TUBGCP5: variants seen among roughly 807,000 people sequenced by gnomAD.
The protein encoded by TUBGCP5 is gamma-tubulin complex component 5.
TUBGCP5 carries 98 observed loss-of-function variants against 134.7 expected under a neutral mutation model. The observed-to-expected ratio is 0.73, with a 90% CI of 0.62 to 0.86. The LOEUF is 0.86. TUBGCP5 is among the 40% of genes least tolerant of loss of function. The pLI, the probability that TUBGCP5 is intolerant of heterozygous loss-of-function variation, is 0.00. For synonymous variants in TUBGCP5, 456 were observed against 431.4 expected, an observed-to-expected ratio of 1.06 and a Z score of -0.71; for missense variants, 1,150 against 1,244.8, an observed-to-expected ratio of 0.92 and a Z score of 1.15.
intron 23 of TUBGCP5, among the ~76,000 whole-genome samples, chr15:22,987,257 G>C (rs1216800768): frequency 2.0e-5 from 3 of 151,346 alleles, no homozygotes; most frequent in Admixed American, 2.0e-4. Context: ...TCACTTGAAT[G>C]GGGGAGGCGG....
rs2065738538 is a variant in TUBGCP5, at chr15:23,022,117, GA to G, written c.1212del (p.Arg405AspfsTer16). 11 of 1,614,156 alleles carry G rather than the reference GA, an allele frequency of 6.8e-6. No homozygotes were observed. The highest frequency in any genetic ancestry group is 9.3e-6 in the Non-Finnish European group (11 of 1,180,042). On this transcript the variant is annotated frameshift_variant, in exon 11 of 23. Coordinates refer to ENST00000615383, the MANE Select transcript of TUBGCP5 (RefSeq NM_052903.6). LOFTEE classifies it high-confidence loss of function. ...TGCAGAACCTTGAGCTGAGACAATC[GA>G]GGTGCCAACTTGTCCACCACTATTG... Reference protein sequence around the residue: ...TLAIVVDKLAPRLSQLKVLHK... With the variant: ...TLAIVVDKLAXRLSQLKVLHK...
intron 3 of TUBGCP5, among the ~76,000 whole-genome samples, chr15:23,035,035 G>A (rs2066506297): frequency 6.6e-6 from 1 of 151,870 alleles, no homozygotes. Context: ...ACATTAAAAG[G>A]ATAATAAAGA....
rs577099248 is a variant in TUBGCP5 at position 23,013,310 on chromosome 15, G to A, written c.1757-1979C>T. The stretch of plus-strand genomic sequence containing the variant: ...TACTAAAAATACAAAAAAATTAGCC[G>A]GGCACGGTGGTGTGCGCCTGTAGTC... On this transcript the variant is annotated intron_variant, in intron 13 of 22. Transcript: ENST00000615383. This position sits in a 1 kb window ranked among gnomAD's most constrained non-coding sequence, Gnocchi z 4.5. Among the ~76,000 whole-genome samples, 4 of 152,020 alleles carry A rather than the reference G, an allele frequency of 2.6e-5. No homozygotes were observed. The highest frequency in any genetic ancestry group is 1.9e-4 in the East Asian group (1 of 5,160).
chr15:23,038,460 CATT>C (rs1178537417), intron 1 of TUBGCP5, among the ~76,000 whole-genome samples: 3 of 151,852 alleles, frequency 2.0e-5, no homozygotes, highest in Non-Finnish European at 4.4e-5. Flanking sequence ...CTATTTCACA[CATT>C]GTTTATTTTT....
At chr15:23,024,665 A>T (rs1340017041) in intron 9 of TUBGCP5, 72 bp downstream of exon 9, 1 of 842,040 alleles carries the variant, frequency 1.2e-6, no homozygotes, top group Non-Finnish European at 1.8e-6. Context: ...AATATTGTAA[A>T]ATGTTCTAAA....
At chr15:22,989,089 C>T (rs114317675) in intron 23 of TUBGCP5, among the ~76,000 whole-genome samples, 2,266 of 152,198 alleles carry the variant, frequency 0.015, 57 homozygotes, top group African/African-American at 0.052. Flanking sequence ...CTTTAGGAGC[C>T]GTGTGACGAC....
At chr15:23,002,237 G>A (rs2064431311) in intron 21 of TUBGCP5, among the ~76,000 whole-genome samples, 1 of 152,088 alleles carries the variant, frequency 6.6e-6, no homozygotes, top group Non-Finnish European at 1.5e-5. Flanking sequence ...TGCAGCTATG[G>A]CTTCATCTAC....
chr15:23,030,798 G>T, intron 6 of TUBGCP5, 87 bp downstream of exon 6: 1 of 1,509,174 alleles, frequency 6.6e-7, no homozygotes, highest in Non-Finnish European at 9.0e-7. Context: ...CCAATACCTT[G>T]ATTACATGGA....
At chr15:23,037,933 T>A (rs1006306649) in intron 1 of TUBGCP5, among the ~76,000 whole-genome samples, 8 of 152,116 alleles carry the variant, frequency 5.3e-5, no homozygotes, top group Admixed American at 3.3e-4. Context: ...CCCGGCTAAT[T>A]TTTTGTACTT....
In TUBGCP5 at chr15:23,024,823, A is replaced by C. The variant is rs1462467722; in HGVS notation, c.835T>G (p.Ser279Ala). The change falls in exon 9 of 23, where the codon TCA becomes GCA. Residue 279 changes from serine to alanine, a missense_variant. Ser to Ala is a moderately conservative substitution (Grantham distance 99). This residue lies in a region of TUBGCP5 where 453 missense variants were observed against 394.7 expected (regional missense o/e 1.15). Coordinates refer to ENST00000615383, the MANE Select transcript of TUBGCP5 (RefSeq NM_052903.6). ...AATATAAAGAGCTTTTTCACTCCTG[A>C]AAGTAACCTGAAATGAGATTAAAAA... ...QVIRETLWLLSGVKKLFIFQL... is the reference protein window; with the variant it reads ...QVIRETLWLLAGVKKLFIFQL... 1.9e-6 allele frequency: 3 copies of C among 1,576,692 alleles called. No homozygotes were observed. Among genetic ancestry groups the C allele is most frequent in the African/African-American group, 2.7e-5 (2 of 73,746 alleles).
intron 2 of TUBGCP5, 31 bp from the exon 3 acceptor site, chr15:23,037,036 C>T: frequency 1.3e-6 from 2 of 1,595,328 alleles, no homozygotes; most frequent in Non-Finnish European, 1.7e-6. Flanking sequence ...ATAAAGCTAT[C>T]TTAAAAAGAT....
chr15:22,998,101 G>A (rs2064179028), downstream of TUBGCP5, among the ~76,000 whole-genome samples: 1 of 151,958 alleles, frequency 6.6e-6, no homozygotes, highest in Non-Finnish European at 1.5e-5. Flanking sequence ...GATCACCTGA[G>A]GCCAGGAGTT....
chr15:23,013,101 C>T lies in TUBGCP5; in HGVS notation c.1757-1770G>A, dbSNP rs977525029. On this transcript the variant is annotated intron_variant, in intron 13 of 22. Transcript: ENST00000615383. This position sits in a 1 kb window ranked among gnomAD's most constrained non-coding sequence, Gnocchi z 4.5. ...CGCCAGCAAGGTGGCTGCCTGGAGA[C>T]GTCTGGTGTTCCTCTCCCAACAGCA... 1.3e-5 allele frequency among the ~76,000 whole-genome samples: 2 copies of T among 151,508 alleles called. No homozygotes were observed. Among genetic ancestry groups the T allele is most frequent in the Non-Finnish European group, 2.9e-5 (2 of 67,894 alleles).
At chr15:23,034,089 T>C (rs2066457066) in intron 3 of TUBGCP5, among the ~76,000 whole-genome samples, 1 of 152,206 alleles carries the variant, frequency 6.6e-6, no homozygotes, top group Non-Finnish European at 1.5e-5. Flanking sequence ...GTGTTCTGTA[T>C]GCTCAGATCT....
At chr15:23,019,793 CA>C (rs773213049) in intron 11 of TUBGCP5, among the ~76,000 whole-genome samples, 14 of 146,514 alleles carry the variant, frequency 9.6e-5, no homozygotes, top group Admixed American at 2.0e-4. Flanking sequence ...GACACTGTCT[CA>C]AAACAAAAAG....
rs1567148061 is a variant in TUBGCP5 at position 23,024,047 on chromosome 15, A to C, written c.1068T>G (p.Ala356=). ...SGSVPKKSTE[A]PFRTYQAFMW... The stretch of plus-strand genomic sequence containing the variant: ...TGAAAGCCTGGTAGGTTCTAAAGGG[A>C]GCTTCAGTTGACTTCTTAGGAACAG... Residue 356 remains alanine, a synonymous_variant, in exon 10 of 23, where the codon GCT becomes GCG. Coordinates refer to ENST00000615383, the MANE Select transcript of TUBGCP5 (RefSeq NM_052903.6). 1 of 1,614,148 alleles carries C rather than the reference A, an allele frequency of 6.2e-7. No homozygotes were observed. The highest frequency in any genetic ancestry group is 2.2e-5 in the East Asian group (1 of 44,878).
At chr15:23,035,237 G>A (rs981040331) in intron 3 of TUBGCP5, among the ~76,000 whole-genome samples, 3 of 150,962 alleles carry the variant, frequency 2.0e-5, no homozygotes, top group South Asian at 2.1e-4. Context: ...GCTGAGGCAG[G>A]AGAATCACTT....
At chr15:23,026,021 A>C in intron 8 of TUBGCP5, 95 bp downstream of exon 8, 1 of 926,360 alleles carries the variant, frequency 1.1e-6, no homozygotes, top group South Asian at 1.5e-5. Context: ...TCTAGTTTGC[A>C]TGTGAAAATG....
At chr15:23,018,094 C>A (rs2065445030) in intron 12 of TUBGCP5, 53 bp from the exon 13 acceptor site, 8 of 1,505,514 alleles carry the variant, frequency 5.3e-6, no homozygotes, top group Middle Eastern at 2.4e-4. Flanking sequence ...TTAAAAACAG[C>A]ATACTTGTTC....
Sources: gnomAD v4.1 joint callset for allele counts (sites outside exome capture counted in the v4.1 genomes callset) on GRCh38, gnomAD v4.1.1 for gene constraint, gnomAD v4.1.1 regional missense constraint, Gnocchi (gnomAD v3.1) non-coding constraint, MANE v1.5 for transcripts, NCBI Gene and HGNC (gene_info 2026-07-23, HGNC 2026-07-21) for gene names.